MAP7: variants seen among roughly 807,000 people sequenced by gnomAD.
The protein encoded by MAP7 is ensconsin.
A neutral mutation model predicts 94.8 loss-of-function variants in MAP7; 52 were observed. The ratio of observed to expected loss-of-function variants is 0.55; its 90% CI spans 0.44 to 0.69. The LOEUF (loss-of-function observed/expected upper bound fraction) is 0.69. Among genes scored for constraint, MAP7 ranks in the 30% least tolerant of loss-of-function variants. The pLI, the probability that MAP7 is intolerant of heterozygous loss-of-function variation, is 0.00. For synonymous variants in MAP7, 350 were observed against 357.0 expected, an observed-to-expected ratio of 0.98 and a Z score of 0.22; for missense variants, 940 against 964.6, an observed-to-expected ratio of 0.97 and a Z score of 0.34.
intron 1 of MAP7, among the ~76,000 whole-genome samples, chr6:136,449,356 T>G (rs1475298119): frequency 6.6e-6 from 1 of 152,158 alleles, no homozygotes; most frequent in Non-Finnish European, 1.5e-5. Context: ...CAATTTAAAT[T>G]TAACAGAGTT....
intron 3 of MAP7, among the ~76,000 whole-genome samples, chr6:136,393,515 T>C (rs572032014): frequency 3.3e-4 from 50 of 152,206 alleles, no homozygotes; most frequent in African/African-American, 4.3e-4. Context: ...GACCCATGGA[T>C]GGCATTTGGA....
At chr6:136,374,577 C>G (rs1775533033) in intron 7 of MAP7, among the ~76,000 whole-genome samples, 1 of 152,160 alleles carries the variant, frequency 6.6e-6, no homozygotes, top group African/African-American at 2.4e-5. Context: ...TATGATTTTT[C>G]TCTCAAGTGG....
chr6:136,347,625 C>T (rs780253453), intron 16 of MAP7, among the ~76,000 whole-genome samples: 5 of 152,034 alleles, frequency 3.3e-5, no homozygotes, highest in African/African-American at 4.8e-5. Flanking sequence ...AGGATGGTCT[C>T]GAACTCCTGG....
intron 1 of MAP7, among the ~76,000 whole-genome samples, chr6:136,501,759 C>T (rs1267635073): frequency 2.0e-5 from 3 of 152,130 alleles, no homozygotes; most frequent in East Asian, 3.9e-4. Flanking sequence ...ATAGACAGAT[C>T]CACCATGGTT....
intron 1 of MAP7, among the ~76,000 whole-genome samples, chr6:136,493,092 G>GT (rs200262132): frequency 1.5e-3 from 192 of 127,064 alleles, no homozygotes; most frequent in Middle Eastern, 0.013. Flanking sequence ...TGTCTTCCCA[G>GT]TTTTTTTTTT....
chr6:136,361,033 C>T lies in MAP7; in HGVS notation c.1673G>A (p.Arg558Gln). The T allele has an allele frequency of 6.3e-7, 1 of 1,578,846 alleles. No homozygotes were observed. The change falls in exon 12 of 18, where the codon CGG (arginine) becomes CAG (glutamine). Residue 558 changes from arginine to glutamine, a missense_variant. Physicochemically the swap from Arg to Gln is conservative, Grantham distance 43 (BLOSUM62 1). Transcript: ENST00000354570. ...CCTCTGGGCGCGCTCTGCCTCCTCC[C>T]GCTCGCGCAGCGCCCGCTCCTCCGC... ...RQAEERALRE[R>Q]EEAERAQRQK...
rs1481687547 is a variant in MAP7 at position 136,388,517 on chromosome 6, T to C, written c.409-7A>G. ...CAACAGCTTCGTGGCGTTCCTTAGA[T>C]GGAATAGAAGAGCTGAGGATTAGAT... On this transcript the variant is annotated splice_region_variant and splice_polypyrimidine_tract_variant and intron_variant, in intron 4 of 17. Transcript: ENST00000354570. 3 of 1,611,060 alleles carry C rather than the reference T, an allele frequency of 1.9e-6. No individual in the cohort carries two copies. Among genetic ancestry groups the C allele is most frequent in the Non-Finnish European group, 2.5e-6 (3 of 1,177,248 alleles).
At chr6:136,522,283 AATAACAGTCAGGT>A (rs1351701194) in intron 1 of MAP7, among the ~76,000 whole-genome samples, 4 of 152,100 alleles carry the variant, frequency 2.6e-5, no homozygotes, top group Non-Finnish European at 5.9e-5. Flanking sequence ...TTACTGTGGT[AATAACAGTCAGGT>A]ATGTAAAACA....
intron 1 of MAP7, among the ~76,000 whole-genome samples, chr6:136,519,423 A>C (rs1825770537): frequency 6.6e-6 from 1 of 152,192 alleles, no homozygotes; most frequent in Non-Finnish European, 1.5e-5. Flanking sequence ...TACAGAACAA[A>C]AGAGAAAAAG....
At chr6:136,485,743 T>C (rs954282088) in intron 1 of MAP7, among the ~76,000 whole-genome samples, 15 of 151,754 alleles carry the variant, frequency 9.9e-5, no homozygotes, top group African/African-American at 3.6e-4. Flanking sequence ...TTTGTATTTT[T>C]AGTAGAGACG....
intron 17 of MAP7, among the ~76,000 whole-genome samples, chr6:136,345,340 A>G (rs575361113): frequency 2.6e-5 from 4 of 152,348 alleles, no homozygotes; most frequent in African/African-American, 9.6e-5. Context: ...AATCGTAACT[A>G]TCCATCATGT....
At chr6:136,450,464 A>G (rs1800761539) in intron 1 of MAP7, among the ~76,000 whole-genome samples, 1 of 152,106 alleles carries the variant, frequency 6.6e-6, no homozygotes, top group South Asian at 2.1e-4. Flanking sequence ...CAAATAATCT[A>G]GTACTTCCAA....
At chr6:136,422,631 G>A (rs1472070983) in intron 1 of MAP7, among the ~76,000 whole-genome samples, 1 of 152,078 alleles carries the variant, frequency 6.6e-6, no homozygotes, top group Non-Finnish European at 1.5e-5. Flanking sequence ...AAATTTTTCT[G>A]TGCTCATATA....
chr6:136,358,073 A>C (rs887647461), intron 15 of MAP7, among the ~76,000 whole-genome samples: 2 of 152,230 alleles, frequency 1.3e-5, no homozygotes, highest in African/African-American at 4.8e-5. Context: ...TTTGTTAGGC[A>C]CAGCTAATCC....
At chr6:136,516,433 C>T (rs1321431868) in intron 1 of MAP7, among the ~76,000 whole-genome samples, 1 of 152,122 alleles carries the variant, frequency 6.6e-6, no homozygotes, top group African/African-American at 2.4e-5. Context: ...ACTGGGATTA[C>T]AGGCATAAGC....
chr6:136,412,600 C>G (rs36042416), intron 2 of MAP7, among the ~76,000 whole-genome samples: 1 of 152,048 alleles, frequency 6.6e-6, no homozygotes, highest in African/African-American at 2.4e-5. Context: ...TGCAAAGGCC[C>G]TGAGGTTGCA....
chr6:136,421,572 C>A, intron 2 of MAP7, 129 bp downstream of exon 2: 1 of 768,300 alleles, frequency 1.3e-6, no homozygotes, highest in East Asian at 2.8e-5. Flanking sequence ...GGACTGAAAC[C>A]AAGCTCTCCT....
chr6:136,361,270 C>G (rs1792688609), intron 11 of MAP7, 91 bp from the exon 12 acceptor site: 1 of 1,336,772 alleles, frequency 7.5e-7, no homozygotes, highest in Non-Finnish European at 1.0e-6. Context: ...TAGGGCGGTT[C>G]CTTTAGGCGT....
intron 1 of MAP7, among the ~76,000 whole-genome samples, chr6:136,461,629 C>A (rs1243257827): frequency 1.3e-5 from 2 of 152,106 alleles, no homozygotes. Flanking sequence ...GGGTTACGAT[C>A]CAGAAATGGA....
Sources: gnomAD v4.1 joint callset for allele counts (sites outside exome capture counted in the v4.1 genomes callset) on GRCh38, gnomAD v4.1.1 for gene constraint, MANE v1.5 for transcripts, NCBI Gene and HGNC (gene_info 2026-07-23, HGNC 2026-07-21) for gene names.